Variants in CCDC91 observed in about 807,000 individuals in gnomAD.
CCDC91 encodes coiled-coil domain-containing protein 91.
A neutral mutation model predicts 63.2 loss-of-function variants in CCDC91; 48 were observed. The ratio of observed to expected loss-of-function variants is 0.76; its 90% CI spans 0.60 to 0.97. CCDC91 has a LOEUF of 0.97. Among genes scored for constraint, CCDC91 ranks in the 50% least tolerant of loss-of-function variants. CCDC91 has a pLI of 0.00. For synonymous variants in CCDC91, 167 were observed against 165.8 expected (o/e 1.01, Z -0.06); for missense variants, 500 against 494.6 (o/e 1.01, Z -0.10).
intron 3 of CCDC91, among the ~76,000 whole-genome samples, chr12:28,266,086 C>T (rs1424405339): frequency 4.0e-5 from 6 of 151,896 alleles, no homozygotes; most frequent in African/African-American, 1.2e-4. Flanking sequence ...TTAAAAATGA[C>T]GCCTAAAATG....
chr12:28,546,076 A>G (rs1413090971), intron 12 of CCDC91, among the ~76,000 whole-genome samples: 1 of 152,100 alleles, frequency 6.6e-6, no homozygotes, highest in Non-Finnish European at 1.5e-5. Flanking sequence ...TAATAGTAAA[A>G]CAAACACCCA....
chr12:28,331,519 AT>A (rs944967349), intron 6 of CCDC91, among the ~76,000 whole-genome samples: 10 of 152,114 alleles, frequency 6.6e-5, no homozygotes, highest in East Asian at 1.9e-4. Context: ...TTCTTGAAAT[AT>A]TTTTTTCCCC....
intron 1 of CCDC91, among the ~76,000 whole-genome samples, chr12:28,199,330 A>C (rs189058511): frequency 6.6e-6 from 1 of 152,078 alleles, no homozygotes; most frequent in African/African-American, 2.4e-5. Context: ...TTAAGTTTAC[A>C]AATTTTGTTC....
At chr12:28,439,676 A>G (rs1235313613) in intron 8 of CCDC91, among the ~76,000 whole-genome samples, 2 of 151,514 alleles carry the variant, frequency 1.3e-5, no homozygotes, top group African/African-American at 2.4e-5. Context: ...TTTGTCTACA[A>G]TATCTTTTGT....
chr12:28,278,574 A>G (rs562419161), intron 3 of CCDC91, among the ~76,000 whole-genome samples: 2 of 152,126 alleles, frequency 1.3e-5, no homozygotes, highest in South Asian at 2.1e-4. Flanking sequence ...AACTACCTGT[A>G]TAAGTCTTTC....
intron 3 of CCDC91, among the ~76,000 whole-genome samples, chr12:28,290,311 T>G (rs1592217382): frequency 1.3e-5 from 2 of 152,354 alleles, no homozygotes; most frequent in East Asian, 3.9e-4. Flanking sequence ...TTTTCTGACA[T>G]AAGGATTGTA....
At chr12:28,200,989 G>C (rs1314360174) in intron 1 of CCDC91, among the ~76,000 whole-genome samples, 5 of 134,784 alleles carry the variant, frequency 3.7e-5, no homozygotes, top group Admixed American at 3.5e-4. Context: ...GGGGCGGCTG[G>C]CCGGGCGGGG....
At position 28,241,428 on chromosome 12, in the gene CCDC91, C is replaced by G. The variant is rs114183122; in HGVS notation, c.-14-15774C>G. Among the ~76,000 whole-genome samples the G allele has an allele frequency of 2.6e-5, 4 of 152,186 alleles. No homozygotes were observed. In the East Asian group the frequency reaches 7.7e-4, roughly 29 times the overall value. ...GGGTGGGAGGGTTTTCTGCCTTTCC[C>G]CCAAGTGGCAGCTTGCAGTTTTGCT... On this transcript the variant is annotated intron_variant, in intron 1 of 12. Coordinates refer to ENST00000536442, the MANE Select transcript of CCDC91 (RefSeq NM_018318.5).
At chr12:28,329,934 A>G (rs1941353440) in intron 6 of CCDC91, among the ~76,000 whole-genome samples, 1 of 152,172 alleles carries the variant, frequency 6.6e-6, no homozygotes, top group Non-Finnish European at 1.5e-5. Context: ...GTCCCTGCAA[A>G]GGACATGGAC....
At chr12:28,230,839 G>C (rs903047575) in intron 1 of CCDC91, among the ~76,000 whole-genome samples, 3 of 152,056 alleles carry the variant, frequency 2.0e-5, no homozygotes, top group Non-Finnish European at 4.4e-5. Flanking sequence ...TGCCCAGGCT[G>C]GTCTCGAACT....
chr12:28,320,211 T>C (rs1309699707), intron 6 of CCDC91, among the ~76,000 whole-genome samples: 1 of 151,964 alleles, frequency 6.6e-6, no homozygotes, highest in Non-Finnish European at 1.5e-5. Flanking sequence ...TTGATGTTTA[T>C]TTACGGTTAC....
At chr12:28,266,831 A>G (rs763957400) in intron 3 of CCDC91, among the ~76,000 whole-genome samples, 7 of 151,890 alleles carry the variant, frequency 4.6e-5, no homozygotes, top group Non-Finnish European at 1.0e-4. Context: ...TTTCTATAAT[A>G]TGAAGATAGT....
chr12:28,310,616 A>G (rs1373823473), intron 6 of CCDC91, among the ~76,000 whole-genome samples: 1 of 152,082 alleles, frequency 6.6e-6, no homozygotes, highest in African/African-American at 2.4e-5. Flanking sequence ...AGGAGGTCTC[A>G]TAGCCAAATC....
chr12:28,320,252 A>C (rs183691618), intron 6 of CCDC91, among the ~76,000 whole-genome samples: 1 of 151,976 alleles, frequency 6.6e-6, no homozygotes, highest in African/African-American at 2.4e-5. Flanking sequence ...TTATAAGTAC[A>C]TTTATCACTT....
chr12:28,472,491 T>C (rs1950871193), intron 11 of CCDC91, among the ~76,000 whole-genome samples: 2 of 152,196 alleles, frequency 1.3e-5, no homozygotes, highest in Non-Finnish European at 2.9e-5. Flanking sequence ...ATTTTTAATA[T>C]AGATCTAATG....
intron 7 of CCDC91, among the ~76,000 whole-genome samples, chr12:28,379,612 C>T (rs906541866): frequency 6.6e-6 from 1 of 152,086 alleles, no homozygotes; most frequent in African/African-American, 2.4e-5. Flanking sequence ...AGTGAGATAC[C>T]ATCTCACACC....
chr12:28,245,082 G>T (rs897356233), intron 1 of CCDC91, among the ~76,000 whole-genome samples: 1 of 152,000 alleles, frequency 6.6e-6, no homozygotes, highest in African/African-American at 2.4e-5. Context: ...TTTATAGAAT[G>T]TTATCAGTAG....
chr12:28,449,994 A>G (rs1304962460), intron 8 of CCDC91, among the ~76,000 whole-genome samples, 167 bp from the exon 9 acceptor site: 5 of 151,914 alleles, frequency 3.3e-5, no homozygotes, highest in South Asian at 2.1e-4. Context: ...TTGTAGAAAG[A>G]TGAATTTAGT....
At chr12:28,259,336 C>T in intron 2 of CCDC91, 28 bp from the exon 3 acceptor site, 2 of 1,569,134 alleles carry the variant, frequency 1.3e-6, no homozygotes, top group Non-Finnish European at 1.8e-6. Flanking sequence ...TTCACATCTT[C>T]TAAAATAATC....
Sources: gnomAD v4.1 joint callset for allele counts (sites outside exome capture counted in the v4.1 genomes callset) on GRCh38, gnomAD v4.1.1 for gene constraint, MANE v1.5 for transcripts, NCBI Gene and HGNC (gene_info 2026-07-23, HGNC 2026-07-21) for gene names.